Variants in CNTNAP5 observed in about 807,000 individuals in gnomAD.
The protein encoded by CNTNAP5 is contactin-associated protein-like 5.
CNTNAP5 carries 72 observed loss-of-function variants against 150.2 expected under a neutral mutation model. That is an observed-to-expected ratio of 0.48 (90% CI 0.40 to 0.58). CNTNAP5 has a LOEUF of 0.58. Ranked by LOEUF, CNTNAP5 falls within the 20% of genes least tolerant of loss-of-function variation. The pLI is 0.00. For synonymous variants in CNTNAP5, 672 were observed against 619.8 expected, an observed-to-expected ratio of 1.08 and a Z score of -1.25; for missense variants, 1,636 against 1,626.2, an observed-to-expected ratio of 1.01 and a Z score of -0.10.
At chr2:124,170,772 C>T (rs1558785069) in intron 1 of CNTNAP5, among the ~76,000 whole-genome samples, 2 of 151,840 alleles carry the variant, frequency 1.3e-5, no homozygotes, top group African/African-American at 2.4e-5. Flanking sequence ...GAAAAGAGAA[C>T]AGGAATAGGA....
chr2:124,540,617 T>C (rs1695356488), intron 10 of CNTNAP5, among the ~76,000 whole-genome samples: 1 of 152,210 alleles, frequency 6.6e-6, no homozygotes, highest in Non-Finnish European at 1.5e-5. Context: ...AGTCATGTCA[T>C]TGATTTTCCC....
chr2:124,789,936 A>G lies in CNTNAP5; in HGVS notation c.2787A>G (p.Gly929=), dbSNP rs1186494314. ...CATCCAGACAGAAAGGCTTCCTAGG[A>G]TGCATTCGCTCCTTACACTTGAATG... ...GTSSRQKGFL[G]CIRSLHLNGQ... The change falls in exon 18 of 24, where the codon GGA becomes GGG. Residue 929 remains glycine, a synonymous_variant. Coordinates refer to ENST00000682447, the MANE Select transcript of CNTNAP5 (RefSeq NM_001367498.1). 1.2e-6 allele frequency: 2 copies of G among 1,613,592 alleles called. No individual in the cohort carries two copies. Among genetic ancestry groups the G allele is most frequent in the South Asian group, 2.2e-5 (2 of 91,088 alleles).
intron 1 of CNTNAP5, among the ~76,000 whole-genome samples, chr2:124,049,783 A>G (rs1417617632): frequency 1.3e-5 from 2 of 152,194 alleles, no homozygotes; most frequent in African/African-American, 4.8e-5. Context: ...ATACAACAGA[A>G]ATGTATTTTT....
chr2:124,901,721 T>C (rs538954046), intron 21 of CNTNAP5, among the ~76,000 whole-genome samples: 113 of 152,324 alleles, frequency 7.4e-4, no homozygotes, highest in African/African-American at 2.6e-3. Flanking sequence ...ACCAGCCACA[T>C]AACAATACAC....
At chr2:124,445,738 C>G (rs1268455665) in intron 5 of CNTNAP5, among the ~76,000 whole-genome samples, 1 of 152,130 alleles carries the variant, frequency 6.6e-6, no homozygotes, top group African/African-American at 2.4e-5. Flanking sequence ...GAAAACACTT[C>G]CCAAGAGGGA....
intron 18 of CNTNAP5, among the ~76,000 whole-genome samples, chr2:124,795,241 C>T (rs1681819961): frequency 6.6e-6 from 1 of 152,174 alleles, no homozygotes; most frequent in Admixed American, 6.5e-5. Flanking sequence ...CCTGTGATTG[C>T]AGGACATGTG....
chr2:124,417,718 A>G, intron 4 of CNTNAP5, 128 bp downstream of exon 4: 3 of 906,544 alleles, frequency 3.3e-6, no homozygotes, highest in Non-Finnish European at 3.3e-6. Context: ...TCATATGCAT[A>G]TTTAAAAATG....
chr2:124,377,964 C>A (rs1339849143), intron 3 of CNTNAP5, among the ~76,000 whole-genome samples: 1 of 152,050 alleles, frequency 6.6e-6, no homozygotes, highest in Non-Finnish European at 1.5e-5. Flanking sequence ...TGAATTCAAG[C>A]TCTTTGCTAC....
rs36194209 is a variant in CNTNAP5, at chr2:124,155,075, G to GTT, written c.83-66608_83-66607dup. ...CTATTCTCAGAAGCAAACCATTCCC[G>GTT]TTTTTTTTTTTTTTTTTTTTTTTGA... On this transcript the variant is annotated intron_variant, in intron 1 of 23. Coordinates refer to ENST00000682447, the MANE Select transcript of CNTNAP5 (RefSeq NM_001367498.1). Among the ~76,000 whole-genome samples the GTT allele has an allele frequency of 7.0e-3, 567 of 81,330 alleles. 7 individuals carry two copies. The highest frequency in any genetic ancestry group is 0.026 in the African/African-American group (530 of 20,720). 53.4% of individuals were successfully genotyped at this position (81,330 alleles called of 152,430 possible). A position where few individuals can be genotyped will look rare whatever the true frequency, so the allele number is the denominator to read the frequency against.
intron 3 of CNTNAP5, among the ~76,000 whole-genome samples, chr2:124,356,739 C>T (rs1690021156): frequency 6.6e-6 from 1 of 151,878 alleles, no homozygotes; most frequent in Non-Finnish European, 1.5e-5. Flanking sequence ...CAAGTCTTTG[C>T]TATTGTGAAT....
At chr2:124,408,161 C>T (rs536259655) in intron 3 of CNTNAP5, among the ~76,000 whole-genome samples, 5 of 152,314 alleles carry the variant, frequency 3.3e-5, no homozygotes, top group East Asian at 3.9e-4. Flanking sequence ...CACCCGAATA[C>T]TGCGCTTTTC....
chr2:124,742,942 G>A (rs1206924566), intron 13 of CNTNAP5, among the ~76,000 whole-genome samples: 3 of 152,042 alleles, frequency 2.0e-5, no homozygotes, highest in African/African-American at 7.2e-5. Context: ...TGAAAACTCT[G>A]GTTTCCTAGC....
chr2:124,065,293 TAAAC>T (rs1682125798), intron 1 of CNTNAP5, among the ~76,000 whole-genome samples: 1 of 152,150 alleles, frequency 6.6e-6, no homozygotes, highest in East Asian at 1.9e-4. Context: ...AAGAAGCTGA[TAAAC>T]AAGATAAACA....
At chr2:124,393,436 G>A (rs757782535) in intron 3 of CNTNAP5, among the ~76,000 whole-genome samples, 4 of 152,098 alleles carry the variant, frequency 2.6e-5, no homozygotes, top group Non-Finnish European at 5.9e-5. Context: ...GGCTAGGTAA[G>A]ACTTAACTGT....
intron 3 of CNTNAP5, among the ~76,000 whole-genome samples, chr2:124,284,689 C>T (rs1276410669): frequency 6.6e-6 from 1 of 151,950 alleles, no homozygotes. Context: ...CTAAAAGGCC[C>T]GGGCAGGTCT....
At chr2:124,753,509 T>G (rs535333144) in intron 14 of CNTNAP5, among the ~76,000 whole-genome samples, 14 of 152,344 alleles carry the variant, frequency 9.2e-5, no homozygotes, top group Non-Finnish European at 1.5e-4. Flanking sequence ...GCTTACCAAA[T>G]TTTAACCTAC....
intron 13 of CNTNAP5, among the ~76,000 whole-genome samples, chr2:124,722,983 G>A (rs1287122021): frequency 6.6e-6 from 1 of 152,120 alleles, no homozygotes; most frequent in African/African-American, 2.4e-5. Flanking sequence ...CTGGGAGGTG[G>A]CTGATTAGAT....
intron 3 of CNTNAP5, among the ~76,000 whole-genome samples, chr2:124,316,947 G>GT (rs1688982467): frequency 1.3e-5 from 2 of 152,022 alleles, no homozygotes; most frequent in Non-Finnish European, 1.5e-5. Flanking sequence ...ACTGTATGAG[G>GT]TAGGTACAGC....
rs990840961 is a variant in CNTNAP5 at position 124,084,559 on chromosome 2, G to A, written c.82+58827G>A. On this transcript the variant is annotated intron_variant, in intron 1 of 23. Transcript: ENST00000682447. ...GCTGGGATTACAAGCCTGAGCCACC[G>A]TGCCTGCCCTGTAGATTCTTGACTT... 9.9e-5 allele frequency among the ~76,000 whole-genome samples: 15 copies of A among 151,698 alleles called. No individual in the cohort carries two copies. The South Asian group carries it at 1.0e-3, about 11-fold the overall frequency.
Sources: gnomAD v4.1 joint callset for allele counts (sites outside exome capture counted in the v4.1 genomes callset) on GRCh38, gnomAD v4.1.1 for gene constraint, MANE v1.5 for transcripts, NCBI Gene and HGNC (gene_info 2026-07-23, HGNC 2026-07-21) for gene names.